MSRB3: variants seen among roughly 807,000 people sequenced by gnomAD.
MSRB3 encodes the protein methionine sulfoxide reductase B3.
In MSRB3, 13 loss-of-function variants were observed where a neutral mutation model predicts 21.0. That is an observed-to-expected ratio of 0.62 (90% CI 0.40 to 0.98). MSRB3 has a LOEUF of 0.98. Ranked by LOEUF, MSRB3 falls within the 50% of genes least tolerant of loss-of-function variation. The pLI is 0.00. For synonymous variants in MSRB3, 87 were observed against 88.6 expected (o/e 0.98, Z 0.10); for missense variants, 199 against 230.3 (o/e 0.86, Z 0.88).
intron 5 of MSRB3, among the ~76,000 whole-genome samples, chr12:65,428,088 G>A (rs1243248170): frequency 6.6e-6 from 1 of 152,152 alleles, no homozygotes; most frequent in Non-Finnish European, 1.5e-5. Flanking sequence ...GGTGAGGTGT[G>A]TGTAGCTGTG....
chr12:65,394,642 G>A (rs10784450), intron 5 of MSRB3, among the ~76,000 whole-genome samples: 98,921 of 152,058 alleles, frequency 0.65, 32,306 homozygotes, highest in Admixed American at 0.72. Flanking sequence ...TCACAAGGAA[G>A]GAAAACTGTA....
chr12:65,345,466 T>C (rs1206561100), intron 4 of MSRB3, among the ~76,000 whole-genome samples: 2 of 152,116 alleles, frequency 1.3e-5, no homozygotes, highest in Non-Finnish European at 1.5e-5. Context: ...GTAATACATA[T>C]GTAGCACTTT....
At chr12:65,307,637 G>A (rs1873736421) in intron 1 of MSRB3, among the ~76,000 whole-genome samples, 1 of 151,904 alleles carries the variant, frequency 6.6e-6, no homozygotes, top group African/African-American at 2.4e-5. Context: ...TTGAAATATT[G>A]TAAAAAACTT....
chr12:65,318,678 C>G (rs1874466772), intron 2 of MSRB3, among the ~76,000 whole-genome samples: 1 of 152,152 alleles, frequency 6.6e-6, no homozygotes, highest in South Asian at 2.1e-4. Context: ...TAAAAATTCT[C>G]TTCTTATTTA....
intron 5 of MSRB3, among the ~76,000 whole-genome samples, chr12:65,375,606 TA>T (rs937056572): frequency 6.6e-6 from 1 of 151,992 alleles, no homozygotes; most frequent in African/African-American, 2.4e-5. Flanking sequence ...CGGGCCAATT[TA>T]AAAAACATTT....
chr12:65,429,334 G>A (rs1218236819), intron 5 of MSRB3, among the ~76,000 whole-genome samples: 1 of 152,132 alleles, frequency 6.6e-6, no homozygotes, highest in Admixed American at 6.5e-5. Context: ...AAGGTCGAAA[G>A]TATGAGAATA....
intron 5 of MSRB3, among the ~76,000 whole-genome samples, chr12:65,403,370 C>A (rs1880237382): frequency 6.6e-6 from 1 of 152,112 alleles, no homozygotes; most frequent in South Asian, 2.1e-4. Context: ...TGGGCTCTGC[C>A]AAGTTTGAAA....
intron 4 of MSRB3, among the ~76,000 whole-genome samples, chr12:65,332,094 G>A (rs910322974): frequency 1.3e-5 from 2 of 152,168 alleles, no homozygotes; most frequent in Non-Finnish European, 2.9e-5. Flanking sequence ...AGCAGAGCAG[G>A]CAAAGAAGAT....
At chr12:65,311,788 A>T (rs1216830889) in intron 2 of MSRB3, among the ~76,000 whole-genome samples, 1 of 152,124 alleles carries the variant, frequency 6.6e-6, no homozygotes, top group African/African-American at 2.4e-5. Flanking sequence ...AAATAATTCC[A>T]GAACTAAAAT....
chr12:65,460,774 C>T (rs1883294142), intron 6 of MSRB3, among the ~76,000 whole-genome samples: 1 of 149,094 alleles, frequency 6.7e-6, no homozygotes. Context: ...AGGGACACAC[C>T]TAGAATCAGT....
At position 65,350,530 on chromosome 12, in the gene MSRB3, A is replaced by C. The variant is rs199917584; in HGVS notation, c.264-18468A>C. ...ACACAGACTGGCAAATTGGATAAAG[A>C]GTCAAGACCCATCAGTGTGCTGTAT... On this transcript the variant is annotated intron_variant, in intron 4 of 6. Coordinates refer to ENST00000308259, the MANE Select transcript of MSRB3 (RefSeq NM_001031679.3). Among the ~76,000 whole-genome samples the C allele has an allele frequency of 4.0e-5, 6 of 151,536 alleles. No individual in the cohort carries two copies. The East Asian group carries it at 1.2e-3, about 29-fold the overall frequency.
At chr12:65,354,559 A>G (rs1877265239) in intron 4 of MSRB3, among the ~76,000 whole-genome samples, 3 of 151,882 alleles carry the variant, frequency 2.0e-5, no homozygotes, top group South Asian at 4.1e-4. Flanking sequence ...TTCTCTTGCC[A>G]TGGTTTTCAG....
At chr12:65,337,085 T>C (rs1254308874) in intron 4 of MSRB3, among the ~76,000 whole-genome samples, 4 of 151,648 alleles carry the variant, frequency 2.6e-5, no homozygotes, top group Non-Finnish European at 4.4e-5. Flanking sequence ...CTACTAAAAA[T>C]ACAAAAAATT....
chr12:65,353,495 C>T (rs998585884), intron 4 of MSRB3, among the ~76,000 whole-genome samples: 1 of 152,008 alleles, frequency 6.6e-6, no homozygotes, highest in African/African-American at 2.4e-5. Context: ...TTCTTTGTCC[C>T]TTTTGATATT....
chr12:65,283,132 C>G (rs1038251813), intron 1 of MSRB3, among the ~76,000 whole-genome samples: 7 of 152,106 alleles, frequency 4.6e-5, no homozygotes, highest in Admixed American at 4.6e-4. Context: ...GAGAATTTAT[C>G]AGTTGTTTTC....
chr12:65,313,156 A>C (rs1439812835), intron 2 of MSRB3, among the ~76,000 whole-genome samples: 1 of 152,144 alleles, frequency 6.6e-6, no homozygotes, highest in Non-Finnish European at 1.5e-5. Context: ...TAGTATACTT[A>C]GCATAAGACT....
At chr12:65,352,686 C>G (rs1341208588) in intron 4 of MSRB3, among the ~76,000 whole-genome samples, 7 of 151,640 alleles carry the variant, frequency 4.6e-5, no homozygotes, top group Non-Finnish European at 8.8e-5. Context: ...AAACAGAGAG[C>G]CAAATTATGA....
intron 5 of MSRB3, among the ~76,000 whole-genome samples, chr12:65,396,749 A>C (rs531842398): frequency 6.7e-6 from 1 of 149,656 alleles, no homozygotes; most frequent in African/African-American, 2.5e-5. Flanking sequence ...AGAAAGAAAG[A>C]AAGAAAACCC....
intron 1 of MSRB3, chr12:65,284,381 G>A (rs1254528460): frequency 2.0e-5 from 3 of 152,256 alleles, no homozygotes; most frequent in Non-Finnish European, 4.4e-5. Context: ...TGTTGCTAAA[G>A]TACATTGGAC....
Sources: allele counts gnomAD v4.1 joint callset (sites outside exome capture counted in the v4.1 genomes callset), GRCh38; gene constraint gnomAD v4.1.1; transcripts MANE v1.5; gene names NCBI Gene and HGNC (gene_info 2026-07-23, HGNC 2026-07-21).